Variants in CADM2 observed in about 807,000 individuals in gnomAD.
The protein encoded by CADM2 is cell adhesion molecule 2, also known as immunoglobulin superfamily member 4D.
A neutral mutation model predicts 49.8 loss-of-function variants in CADM2; 12 were observed. The ratio of observed to expected loss-of-function variants is 0.24; its 90% CI spans 0.15 to 0.39. The LOEUF (loss-of-function observed/expected upper bound fraction) is 0.39, where lower values mean the gene tolerates loss of function less well. CADM2 is among the 10% of genes least tolerant of loss of function. CADM2 has a pLI of 1.00. For missense variants in CADM2, 378 were observed against 492.3 expected, an observed-to-expected ratio of 0.77 and a Z score of 2.20; for synonymous variants, 214 against 175.4, an observed-to-expected ratio of 1.22 and a Z score of -1.74.
intron 1 of CADM2, among the ~76,000 whole-genome samples, chr3:85,264,066 C>T (rs1297084664): frequency 2.0e-5 from 3 of 152,018 alleles, no homozygotes; most frequent in South Asian, 2.1e-4. Flanking sequence ...TCTCCGTTAT[C>T]GTTCATTATG....
At chr3:85,483,655 A>G (rs1339783141) in intron 1 of CADM2, among the ~76,000 whole-genome samples, 1 of 150,196 alleles carries the variant, frequency 6.7e-6, no homozygotes, top group Non-Finnish European at 1.5e-5. Flanking sequence ...TATATGTAAT[A>G]TATATATTTG....
At chr3:85,166,863 T>A (rs2040483436) in intron 1 of CADM2, among the ~76,000 whole-genome samples, 1 of 151,996 alleles carries the variant, frequency 6.6e-6, no homozygotes, top group South Asian at 2.1e-4. Flanking sequence ...CATTTTTTCC[T>A]GTAAGAGGAC....
intron 3 of CADM2, among the ~76,000 whole-genome samples, chr3:85,867,165 A>G (rs1385091440): frequency 6.6e-6 from 1 of 152,102 alleles, no homozygotes; most frequent in East Asian, 1.9e-4. Flanking sequence ...TATGTGTAAA[A>G]CGTAACAACT....
At chr3:85,333,310 C>T (rs984756549) in intron 1 of CADM2, among the ~76,000 whole-genome samples, 1 of 151,158 alleles carries the variant, frequency 6.6e-6, no homozygotes, top group African/African-American at 2.4e-5. Flanking sequence ...ATTAGCGAGC[C>T]ATGTAAATAA....
chr3:85,243,048 G>A (rs1260310756), intron 1 of CADM2, among the ~76,000 whole-genome samples: 2 of 151,670 alleles, frequency 1.3e-5, no homozygotes, highest in Non-Finnish European at 3.0e-5. Context: ...ATAAAAGAAA[G>A]CATCTATTCA....
At chr3:85,667,912 G>A (rs4306872) in intron 1 of CADM2, among the ~76,000 whole-genome samples, 26,739 of 151,894 alleles carry the variant, frequency 0.18, 2,957 homozygotes, top group Non-Finnish European at 0.24. Context: ...GATAAGCCCA[G>A]CACCTTGGTA....
intron 1 of CADM2, among the ~76,000 whole-genome samples, chr3:85,695,019 T>C (rs1160639486): frequency 2.0e-5 from 3 of 152,192 alleles, no homozygotes; most frequent in Non-Finnish European, 4.4e-5. Flanking sequence ...CCCTTGACTT[T>C]CTCTTTTAGA....
At chr3:86,034,226 T>A (rs890165528) in intron 8 of CADM2, among the ~76,000 whole-genome samples, 24 of 151,946 alleles carry the variant, frequency 1.6e-4, no homozygotes, top group African/African-American at 5.8e-4. Flanking sequence ...GTCATTTCAA[T>A]GAGGCTCTGA....
At chr3:85,465,311 T>C (rs980290431) in intron 1 of CADM2, among the ~76,000 whole-genome samples, 4 of 152,106 alleles carry the variant, frequency 2.6e-5, no homozygotes, top group Non-Finnish European at 5.9e-5. Context: ...ACTAGAGATA[T>C]CTGGTTTGAG....
At chr3:86,043,824 C>G (rs1331823947) in intron 8 of CADM2, among the ~76,000 whole-genome samples, 1 of 152,150 alleles carries the variant, frequency 6.6e-6, no homozygotes, top group Non-Finnish European at 1.5e-5. Context: ...TACAAGGCTA[C>G]AGTAAACAAA....
At chr3:85,641,625 T>G (rs1028857795) in intron 1 of CADM2, among the ~76,000 whole-genome samples, 4 of 151,998 alleles carry the variant, frequency 2.6e-5, no homozygotes, top group African/African-American at 4.8e-5. Context: ...GGTATGAAGG[T>G]TAGAATGTAG....
At chr3:85,248,146 G>A (rs971114965) in intron 1 of CADM2, among the ~76,000 whole-genome samples, 2 of 151,962 alleles carry the variant, frequency 1.3e-5, no homozygotes, top group Non-Finnish European at 2.9e-5. Flanking sequence ...AAAATATTTG[G>A]TATTAATTAT....
chr3:85,989,993 C>T (rs1449572134), intron 8 of CADM2, among the ~76,000 whole-genome samples: 1 of 60,720 alleles, frequency 1.6e-5, no homozygotes, highest in South Asian at 6.0e-4. Flanking sequence ...GCCTGGGCGA[C>T]AAGAGAGAAA....
At chr3:85,844,714 T>G (rs1406605029) in intron 3 of CADM2, among the ~76,000 whole-genome samples, 2 of 152,170 alleles carry the variant, frequency 1.3e-5, no homozygotes, top group African/African-American at 4.8e-5. Flanking sequence ...ATTCTTGATA[T>G]TAGTATATTA....
chr3:85,217,879 G>T (rs1457687585), intron 1 of CADM2, among the ~76,000 whole-genome samples: 1 of 152,010 alleles, frequency 6.6e-6, no homozygotes, highest in African/African-American at 2.4e-5. Flanking sequence ...TCAATGATAA[G>T]AAATTACACT....
At chr3:86,009,896 T>C (rs144377762) in intron 8 of CADM2, among the ~76,000 whole-genome samples, 1 of 151,870 alleles carries the variant, frequency 6.6e-6, no homozygotes, top group Non-Finnish European at 1.5e-5. Context: ...ATGCATTATG[T>C]CATATGATTA....
rs115562086 is a variant in CADM2, at chr3:85,724,513, C to T, written c.62-2009C>T. Among the ~76,000 whole-genome samples, 70 of 151,200 alleles carry T rather than the reference C, an allele frequency of 4.6e-4. 1 individual carries two copies. Among genetic ancestry groups the T allele is most frequent in the African/African-American group, 1.6e-3 (67 of 41,316 alleles). On this transcript the variant is annotated intron_variant, in intron 1 of 9. Coordinates refer to ENST00000383699, the MANE Select transcript of CADM2 (RefSeq NM_001167675.2). Reference sequence around the variant, plus strand: ...CAGCAAGATGCTCCCAAACCACAAACCTGTTGATAATACAAAATAGTTCCA... The same window carrying T: ...CAGCAAGATGCTCCCAAACCACAAATCTGTTGATAATACAAAATAGTTCCA...
rs533561743 is a variant in CADM2, at chr3:85,985,237, A to C, written c.970+23590A>C. ...CCATTACTCATAGATGATGACTTCT[A>C]CCTGTCTTTCCATGTGTCCTCACAT... On this transcript the variant is annotated intron_variant, in intron 8 of 9. Transcript: ENST00000383699. Among the ~76,000 whole-genome samples the C allele has an allele frequency of 2.6e-5, 4 of 152,092 alleles. No individual in the cohort carries two copies. The East Asian group carries it at 7.8e-4, about 30-fold the overall frequency.
chr3:85,747,832 A>T (rs1242472338), intron 2 of CADM2, among the ~76,000 whole-genome samples: 1 of 152,108 alleles, frequency 6.6e-6, no homozygotes, highest in Non-Finnish European at 1.5e-5. Flanking sequence ...TTACTTTTTA[A>T]TATTACTCAT....
Sources: allele counts gnomAD v4.1 joint callset (sites outside exome capture counted in the v4.1 genomes callset), GRCh38; gene constraint gnomAD v4.1.1; transcripts MANE v1.5; gene names NCBI Gene and HGNC (gene_info 2026-07-23, HGNC 2026-07-21).